The following PCDH15 variants were observed in gnomAD, a reference collection of about 807,000 sequenced individuals.
PCDH15 encodes protocadherin related 15.
Under a neutral mutation model 178.5 loss-of-function variants are expected in PCDH15, and 129 were observed. The ratio of observed to expected loss-of-function variants is 0.72; its 90% CI spans 0.63 to 0.84. The LOEUF (loss-of-function observed/expected upper bound fraction) is 0.84, where lower values mean the gene tolerates loss of function less well. Among genes scored for constraint, PCDH15 ranks in the 40% least tolerant of loss-of-function variants. PCDH15 has a pLI of 0.00. For synonymous variants in PCDH15, 800 were observed against 732.0 expected (o/e 1.09, Z -1.50); for missense variants, 2,230 against 2,099.9 (o/e 1.06, Z -1.21).
At chr10:55,524,158 C>T (rs1374142659) in intron 2 of PCDH15, among the ~76,000 whole-genome samples, 1 of 151,390 alleles carries the variant, frequency 6.6e-6, no homozygotes, top group Non-Finnish European at 1.5e-5. Flanking sequence ...GTTAAAGAAC[C>T]TCCTCACCAA....
intron 2 of PCDH15, among the ~76,000 whole-genome samples, chr10:55,332,961 G>A (rs1482730164): frequency 1.3e-5 from 2 of 152,090 alleles, no homozygotes; most frequent in South Asian, 4.1e-4. Flanking sequence ...TTTATAAGAT[G>A]TGCAAGAGAC....
chr10:55,286,204 A>G (rs765839658), intron 1 of PCDH15, among the ~76,000 whole-genome samples: 7 of 151,890 alleles, frequency 4.6e-5, no homozygotes, highest in Non-Finnish European at 8.8e-5. Flanking sequence ...ATTATGTTAC[A>G]ATCATTCTTT....
chr10:54,188,196 G>A (rs1039973584), intron 11 of PCDH15, among the ~76,000 whole-genome samples: 22 of 151,874 alleles, frequency 1.4e-4, no homozygotes, highest in East Asian at 9.7e-4. Flanking sequence ...ATTCCTTCTT[G>A]TCAAGCTGCA....
chr10:55,605,351 A>G (rs1589176025), intron 2 of PCDH15, among the ~76,000 whole-genome samples: 1 of 151,986 alleles, frequency 6.6e-6, no homozygotes, highest in African/African-American at 2.4e-5. Context: ...TTCTGAAACT[A>G]TTCCAATCAA....
intron 2 of PCDH15, among the ~76,000 whole-genome samples, chr10:55,050,872 C>G (rs940411736): frequency 2.0e-5 from 3 of 151,956 alleles, no homozygotes; most frequent in African/African-American, 7.2e-5. Context: ...TTCAACTTAC[C>G]ATGATAATAA....
At chr10:54,441,075 C>T (rs2075764567) in intron 3 of PCDH15, among the ~76,000 whole-genome samples, 2 of 151,814 alleles carry the variant, frequency 1.3e-5, no homozygotes, top group African/African-American at 4.8e-5. Flanking sequence ...TTAATCATTG[C>T]ACAATACACA....
chr10:54,870,512 G>A (rs1018824531), intron 3 of PCDH15, among the ~76,000 whole-genome samples: 2 of 152,122 alleles, frequency 1.3e-5, no homozygotes, highest in Admixed American at 1.3e-4. Flanking sequence ...AAGACCGGGC[G>A]CGGTGGCTCA....
intron 2 of PCDH15, among the ~76,000 whole-genome samples, chr10:55,461,250 G>T (rs1292174622): frequency 6.6e-6 from 1 of 152,062 alleles, no homozygotes; most frequent in Non-Finnish European, 1.5e-5. Context: ...TCAATTCAGG[G>T]AGCCAGTTCA....
At chr10:55,056,711 C>A (rs1263665284) in intron 2 of PCDH15, among the ~76,000 whole-genome samples, 4 of 151,458 alleles carry the variant, frequency 2.6e-5, no homozygotes, top group African/African-American at 9.7e-5. Flanking sequence ...TGGCTCACTG[C>A]AACCTCCACC....
chr10:54,221,105 G>T (rs2052758078), intron 9 of PCDH15, among the ~76,000 whole-genome samples: 1 of 152,102 alleles, frequency 6.6e-6, no homozygotes, highest in African/African-American at 2.4e-5. Context: ...TTTAGAAACA[G>T]CTTTGATTGC....
chr10:55,229,819 T>A (rs1841160043), intron 1 of PCDH15, among the ~76,000 whole-genome samples: 1 of 152,006 alleles, frequency 6.6e-6, no homozygotes, highest in Non-Finnish European at 1.5e-5. Flanking sequence ...AAGCGGGGGT[T>A]CTAGTTTGAG....
intron 2 of PCDH15, among the ~76,000 whole-genome samples, chr10:55,371,762 C>G (rs1354050860): frequency 6.6e-6 from 1 of 152,028 alleles, no homozygotes; most frequent in Admixed American, 6.6e-5. Context: ...TCATAAATTA[C>G]CCAGTCTCAG....
intron 2 of PCDH15, among the ~76,000 whole-genome samples, chr10:55,581,705 A>G (rs1842617973): frequency 6.6e-6 from 1 of 152,204 alleles, no homozygotes; most frequent in Non-Finnish European, 1.5e-5. Context: ...GAAGACATTT[A>G]TTAGACAACT....
intron 2 of PCDH15, among the ~76,000 whole-genome samples, chr10:55,419,313 C>T (rs909051577): frequency 2.0e-5 from 3 of 151,680 alleles, no homozygotes; most frequent in Non-Finnish European, 3.0e-5. Flanking sequence ...GTAGATTGCA[C>T]GGATTTTGAT....
At chr10:54,706,314 T>C (rs578111623) in intron 1 of PCDH15, among the ~76,000 whole-genome samples, 19 of 152,252 alleles carry the variant, frequency 1.2e-4, no homozygotes, top group Admixed American at 1.1e-3. Flanking sequence ...TAGCTATAAC[T>C]CAACCCTAGA....
chr10:54,374,993 A>G (rs745540950), intron 4 of PCDH15, among the ~76,000 whole-genome samples: 3 of 152,190 alleles, frequency 2.0e-5, no homozygotes, highest in Non-Finnish European at 4.4e-5. Context: ...CCCCATTAAG[A>G]GACAGTTTAT....
intron 1 of PCDH15, among the ~76,000 whole-genome samples, chr10:54,731,839 G>A (rs1943448353): frequency 6.6e-6 from 1 of 150,460 alleles, no homozygotes; most frequent in Non-Finnish European, 1.5e-5. Context: ...TGAATAATAG[G>A]CACAAATATA....
At chr10:53,848,350 T>C (rs908446270) in intron 28 of PCDH15, among the ~76,000 whole-genome samples, 10 of 152,018 alleles carry the variant, frequency 6.6e-5, no homozygotes, top group African/African-American at 2.4e-4. Context: ...TCAAATGTTT[T>C]GATAAAATAA....
intron 1 of PCDH15, among the ~76,000 whole-genome samples, chr10:55,319,240 A>T (rs953915231): frequency 1.3e-5 from 2 of 152,142 alleles, no homozygotes; most frequent in South Asian, 4.1e-4. Context: ...CACATATACA[A>T]ACCAGACTTC....
Sources: allele counts gnomAD v4.1 joint callset (sites outside exome capture counted in the v4.1 genomes callset), GRCh38; gene constraint gnomAD v4.1.1; transcripts MANE v1.5; gene names NCBI Gene and HGNC (gene_info 2026-07-23, HGNC 2026-07-21).